Variants in TNFRSF10A observed in about 807,000 individuals in gnomAD.
TNFRSF10A encodes TNF receptor superfamily member 10a.
Under a neutral mutation model 42.8 loss-of-function variants are expected in TNFRSF10A, and 44 were observed. The ratio of observed to expected loss-of-function variants is 1.03; its 90% CI spans 0.81 to 1.32. The LOEUF (loss-of-function observed/expected upper bound fraction) is 1.32. Among genes scored for constraint, TNFRSF10A ranks in the 40% most tolerant of loss-of-function variants. The pLI, the probability that TNFRSF10A is intolerant of heterozygous loss-of-function variation, is 0.00. For synonymous variants in TNFRSF10A, 259 were observed against 234.2 expected, an observed-to-expected ratio of 1.11 and a Z score of -0.97; for missense variants, 680 against 602.0, an observed-to-expected ratio of 1.13 and a Z score of -1.36.
At chr8:23,204,676 T>C (rs1461325321) in intron 2 of TNFRSF10A, among the ~76,000 whole-genome samples, 1 of 151,990 alleles carries the variant, frequency 6.6e-6, no homozygotes, top group Non-Finnish European at 1.5e-5. Context: ...CTCAATACAC[T>C]TAAAAGGATA....
At chr8:23,207,253 T>A (rs1801028395) in intron 2 of TNFRSF10A, 2 of 595,128 alleles carry the variant, frequency 3.4e-6, no homozygotes, top group Non-Finnish European at 6.4e-6. Flanking sequence ...CTCTATGATG[T>A]TTATGTGGCC....
At chr8:23,224,680 C>T (rs1563389243) in intron 1 of TNFRSF10A, 76 bp downstream of exon 1, 1 of 1,482,674 alleles carries the variant, frequency 6.7e-7, no homozygotes, top group South Asian at 1.3e-5. Context: ...GCACCCCCGC[C>T]GCGTCCCCCT....
chr8:23,199,756 A>G (rs1800880577), intron 7 of TNFRSF10A, 130 bp downstream of exon 7: 17 of 1,294,958 alleles, frequency 1.3e-5, no homozygotes, highest in Non-Finnish European at 1.8e-5. Flanking sequence ...GTCAATGCAC[A>G]GCATCCAGGC....
intron 2 of TNFRSF10A, among the ~76,000 whole-genome samples, chr8:23,208,569 C>CCT (rs2128849673): frequency 6.6e-6 from 1 of 152,218 alleles, no homozygotes; most frequent in Admixed American, 6.5e-5. Context: ...CATTCTCCTG[C>CCT]CTCAGCCTCC....
At chr8:23,218,611 T>G (rs1801216239) in intron 1 of TNFRSF10A, among the ~76,000 whole-genome samples, 1 of 152,082 alleles carries the variant, frequency 6.6e-6, no homozygotes, top group African/African-American at 2.4e-5. Flanking sequence ...TCTATCATTC[T>G]GGAAATAAGA....
chr8:23,205,703 CTG>C (rs1420415905), intron 2 of TNFRSF10A, among the ~76,000 whole-genome samples: 1 of 131,556 alleles, frequency 7.6e-6, no homozygotes, highest in Non-Finnish European at 1.6e-5. Context: ...AGGTTAATGT[CTG>C]TGTTTCTTTT....
At chr8:23,211,916 G>A (rs1007906902) in intron 2 of TNFRSF10A, among the ~76,000 whole-genome samples, 200 bp downstream of exon 2, 1 of 152,240 alleles carries the variant, frequency 6.6e-6, no homozygotes, top group Non-Finnish European at 1.5e-5. Context: ...GAAAACATGG[G>A]GATAAAGCTT....
chr8:23,199,799 C>T (rs545745897), intron 7 of TNFRSF10A, 87 bp downstream of exon 7: 41 of 1,588,400 alleles, frequency 2.6e-5, no homozygotes, highest in South Asian at 7.7e-5. Flanking sequence ...CATGAGAGCA[C>T]GGGGACCCAC....
intron 2 of TNFRSF10A, among the ~76,000 whole-genome samples, chr8:23,203,998 C>A (rs539682851): frequency 6.6e-6 from 1 of 151,932 alleles, no homozygotes; most frequent in African/African-American, 2.4e-5. Context: ...AGGATGGTCT[C>A]GATCTCCTGA....
At chr8:23,193,798 C>G (rs1204037246) in intron 9 of TNFRSF10A, among the ~76,000 whole-genome samples, 2 of 152,154 alleles carry the variant, frequency 1.3e-5, no homozygotes, top group African/African-American at 2.4e-5. Context: ...TATGTGTTTG[C>G]TAGAGTCATG....
intron 1 of TNFRSF10A, among the ~76,000 whole-genome samples, chr8:23,213,436 CTTTT>C (rs58691757): frequency 2.5e-4 from 17 of 68,646 alleles, no homozygotes; most frequent in South Asian, 6.4e-4. Flanking sequence ...GTTTGCTCCT[CTTTT>C]TTTTTTTTTT....
rs753001021 is a variant in TNFRSF10A, at chr8:23,199,318, G to T, written c.962C>A (p.Ala321Glu). The T allele has an allele frequency of 9.3e-6, 15 of 1,614,058 alleles. No homozygotes were observed. The highest frequency in any genetic ancestry group is 1.3e-5 in the African/African-American group (1 of 74,918). ...CTGTACAGTGACACCTGTCAAATCT[G>T]CCGGCTCCTGGCTTTCCATTTGCTG... ...SEQQMESQEP[A>E]DLTGVTVQSP... The change falls in exon 8 of 10, where the codon GCA (alanine) becomes GAA (glutamate). Residue 321 changes from alanine to glutamate, a missense_variant. Physicochemically the swap from Ala to Glu is moderately radical, Grantham distance 107 (BLOSUM62 -1). Transcript: ENST00000221132.
rs1800833746 is a variant in TNFRSF10A, at chr8:23,197,144, C to T, written c.1075G>A (p.Asp359Asn). 6 of 1,614,074 alleles carry T rather than the reference C, an allele frequency of 3.7e-6. No homozygotes were observed. Among genetic ancestry groups the T allele is most frequent in the Non-Finnish European group, 4.2e-6 (5 of 1,180,020 alleles). Reference protein sequence around the residue: ...RRLLVPANGADPTETLMLFFD... With the variant: ...RRLLVPANGANPTETLMLFFD... ...GCAAAACACTTACTCTCAGTGGGGT[C>T]AGCACCATTTGCTGGAACCAGCAGC... Residue 359 changes from aspartate (D) to asparagine (N), a missense_variant, in exon 9 of 10, where the codon GAC (aspartate) becomes AAC (asparagine). Asp to Asn is a conservative substitution (Grantham distance 23). Coordinates refer to ENST00000221132, the MANE Select transcript of TNFRSF10A (RefSeq NM_003844.4).
chr8:23,205,239 G>A (rs1563381158), intron 2 of TNFRSF10A, among the ~76,000 whole-genome samples: 2 of 152,082 alleles, frequency 1.3e-5, no homozygotes, highest in Admixed American at 6.6e-5. Context: ...GCATGATGAC[G>A]TTTCGGTCAA....
chr8:23,204,933 A>G, intron 2 of TNFRSF10A, among the ~76,000 whole-genome samples: 1 of 152,250 alleles, frequency 6.6e-6, no homozygotes, highest in African/African-American at 2.4e-5. Flanking sequence ...TCTATTAAGG[A>G]AGAAGAAATA....
intron 1 of TNFRSF10A, among the ~76,000 whole-genome samples, chr8:23,215,838 G>C (rs1277022231): frequency 6.8e-6 from 1 of 147,604 alleles, no homozygotes; most frequent in Non-Finnish European, 1.5e-5. Context: ...TTTTTCCTGA[G>C]ATGGAGTTTT....
chr8:23,193,523 G>A lies in TNFRSF10A; in HGVS notation c.1088-1510C>T, dbSNP rs191003359. On this transcript the variant is annotated intron_variant, in intron 9 of 9. Coordinates refer to ENST00000221132, the MANE Select transcript of TNFRSF10A (RefSeq NM_003844.4). Reference sequence around the variant, plus strand: ...GTTGAACAGGCCCAAGTGACTGTGAGAGGGAAGCACTCTGCCTTTCAGTCT... The same window carrying A: ...GTTGAACAGGCCCAAGTGACTGTGAAAGGGAAGCACTCTGCCTTTCAGTCT... 3.9e-5 allele frequency among the ~76,000 whole-genome samples: 6 copies of A among 152,360 alleles called. No individual in the cohort carries two copies. In the East Asian group the frequency reaches 1.2e-3, roughly 29 times the overall value.
chr8:23,200,781 AGGGGG>A, intron 4 of TNFRSF10A, 21 bp from the exon 5 acceptor site: 2 of 705,680 alleles, frequency 2.8e-6, no homozygotes, highest in Non-Finnish European at 5.0e-6. Context: ...ACAGGGAGGG[AGGGGG>A]GGGACTCTTG....
In TNFRSF10A at chr8:23,197,117, G is replaced by C. The variant is rs760285996; in HGVS notation, c.1087+15C>G. On this transcript the variant is annotated intron_variant, in intron 9 of 9. Coordinates refer to ENST00000221132, the MANE Select transcript of TNFRSF10A (RefSeq NM_003844.4). ...CCCACCATTTCTGCTGCATCTCCAG[G>C]AGCAAAACACTTACTCTCAGTGGGG... 3.7e-6 allele frequency: 6 copies of C among 1,614,110 alleles called. No individual in the cohort carries two copies. Among genetic ancestry groups the C allele is most frequent in the Middle Eastern group, 1.6e-4 (1 of 6,062 alleles).
Sources: allele counts gnomAD v4.1 joint callset (sites outside exome capture counted in the v4.1 genomes callset), GRCh38; gene constraint gnomAD v4.1.1; transcripts MANE v1.5; gene names NCBI Gene and HGNC (gene_info 2026-07-23, HGNC 2026-07-21).